GNA15: variants seen among roughly 807,000 people sequenced by gnomAD.
GNA15 encodes guanine nucleotide-binding protein subunit alpha-15.
Under a neutral mutation model 40.1 loss-of-function variants are expected in GNA15, and 23 were observed. That is an observed-to-expected ratio of 0.57 (90% CI 0.41 to 0.81). The LOEUF (loss-of-function observed/expected upper bound fraction) is 0.81. Among genes scored for constraint, GNA15 ranks in the 40% least tolerant of loss-of-function variants. GNA15 has a pLI of 0.00. For missense variants in GNA15, 522 were observed against 515.8 expected (o/e 1.01, Z -0.12); for synonymous variants, 226 against 210.4 (o/e 1.07, Z -0.64).
intron 1 of GNA15, chr19:3,146,449 C>G (rs1414793052): frequency 2.0e-5 from 3 of 152,166 alleles, no homozygotes; most frequent in Admixed American, 6.5e-5. Flanking sequence ...GACCCAGGGC[C>G]GGTTTGGCAG....
At chr19:3,158,565 T>C (rs1843058718) in intron 6 of GNA15, among the ~76,000 whole-genome samples, 1 of 152,180 alleles carries the variant, frequency 6.6e-6, no homozygotes, top group African/African-American at 2.4e-5. Context: ...AAAGATTGTC[T>C]ACTATTTCCA....
chr19:3,150,428 G>GAGTTCCCCCA, intron 3 of GNA15, 143 bp downstream of exon 3: 1 of 699,442 alleles, frequency 1.4e-6, no homozygotes, highest in Non-Finnish European at 2.3e-6. Flanking sequence ...TCCTTCCAGG[G>GAGTTCCCCCA]GGACCCTAAT....
At chr19:3,150,312 G>A in intron 3 of GNA15, 27 bp downstream of exon 3, 1 of 1,521,636 alleles carries the variant, frequency 6.6e-7, no homozygotes, top group African/African-American at 1.4e-5. Context: ...CGGGGGATGG[G>A]CGCGTGGGGA....
At position 3,136,305 on chromosome 19, in the gene GNA15, C is replaced by A; in HGVS notation, c.-146C>A. 1.3e-6 allele frequency: 1 copy of A among 778,216 alleles called. No homozygotes were observed. Among genetic ancestry groups the A allele is most frequent in the Non-Finnish European group, 2.0e-6 (1 of 502,234 alleles). 48.2% of individuals were successfully genotyped at this position (778,216 alleles called of 1,614,324 possible). ...GTTTCAGGCAAGGAAGTCTAGGTCC[C>A]TGGGGGGTGACCCCCAAGGAAAAGG... On this transcript the variant is annotated 5_prime_UTR_variant, in exon 1 of 7. It adds an upstream start codon to the 5' untranslated region. Coordinates refer to ENST00000262958, the MANE Select transcript of GNA15 (RefSeq NM_002068.4). This position sits in a 1 kb window ranked among gnomAD's most constrained non-coding sequence, Gnocchi z 4.9.
intron 6 of GNA15, among the ~76,000 whole-genome samples, chr19:3,158,368 A>G (rs1297290977): frequency 1.3e-5 from 2 of 151,870 alleles, no homozygotes; most frequent in East Asian, 3.9e-4. Context: ...TGACCAGGAT[A>G]GTCTCGATCA....
chr19:3,143,948 G>A (rs903440706), intron 1 of GNA15, among the ~76,000 whole-genome samples: 1 of 130,700 alleles, frequency 7.7e-6, no homozygotes, highest in Non-Finnish European at 1.6e-5. Flanking sequence ...GTGAAACCCC[G>A]TCTCTACTAA....
At chr19:3,158,722 A>G (rs1053838254) in intron 6 of GNA15, among the ~76,000 whole-genome samples, 4 of 151,764 alleles carry the variant, frequency 2.6e-5, no homozygotes, top group Admixed American at 2.0e-4. Context: ...CCCCGGTTCA[A>G]GTGATTCTCC....
chr19:3,159,226 A>G (rs11880092), intron 6 of GNA15, among the ~76,000 whole-genome samples: 26,913 of 149,422 alleles, frequency 0.18, 2,571 homozygotes, highest in African/African-American at 0.21. Context: ...GGGTTTCATC[A>G]TGTTACCCAG....
chr19:3,138,955 CT>C (rs1568291962), intron 1 of GNA15, among the ~76,000 whole-genome samples: 3 of 94,644 alleles, frequency 3.2e-5, no homozygotes, highest in East Asian at 3.7e-4. Flanking sequence ...TTTTTTTTTT[CT>C]TTTTTTTTAG....
chr19:3,145,588 C>T, intron 1 of GNA15, among the ~76,000 whole-genome samples: 1 of 124,490 alleles, frequency 8.0e-6, no homozygotes, highest in African/African-American at 3.1e-5. Flanking sequence ...CTCACTCTGT[C>T]ACCCAGGCTG....
chr19:3,151,969 G>C lies in GNA15; in HGVS notation c.614+134G>C, dbSNP rs1914892953. ...TCAAGGAGCTGCCAAGCTAGGGGAAGCAAAGCTCCATGTAGACACCTCCAG... is the reference window on the plus strand; with the variant it reads ...TCAAGGAGCTGCCAAGCTAGGGGAACCAAAGCTCCATGTAGACACCTCCAG... On this transcript the variant is annotated intron_variant, in intron 4 of 6. Coordinates refer to ENST00000262958, the MANE Select transcript of GNA15 (RefSeq NM_002068.4). The surrounding 1 kb of genome is among the most constrained non-coding windows in gnomAD (Gnocchi z 5.0). The C allele has an allele frequency of 3.2e-6, 2 of 626,974 alleles. No homozygotes were observed. The highest frequency in any genetic ancestry group is 7.1e-5 in the Admixed American group (2 of 28,346). The allele number at this position is 626,974 out of a possible 1,614,324, so 38.8% of individuals were successfully genotyped here. A position where few individuals can be genotyped will look rare whatever the true frequency, so the allele number is the denominator to read the frequency against.
intron 1 of GNA15, among the ~76,000 whole-genome samples, chr19:3,140,055 C>CTATCTATCTATCTATG (rs1568292398): frequency 5.3e-5 from 8 of 150,140 alleles, no homozygotes; most frequent in African/African-American, 1.2e-4. Context: ...ATCTATCTAT[C>CTATCTATCTATCTATG]TATCTATCTA....
intron 4 of GNA15, among the ~76,000 whole-genome samples, chr19:3,154,095 G>A (rs1914945235): frequency 6.6e-6 from 1 of 151,114 alleles, no homozygotes; most frequent in Non-Finnish European, 1.5e-5. Context: ...TAGATGGATA[G>A]ACGGATAGAT....
At chr19:3,148,970 C>T (rs1220552282) in intron 2 of GNA15, 195 bp downstream of exon 2, 2 of 586,938 alleles carry the variant, frequency 3.4e-6, no homozygotes, top group African/African-American at 3.7e-5. Context: ...AGTGCACACA[C>T]AAGTATACAC....
intron 4 of GNA15, among the ~76,000 whole-genome samples, chr19:3,154,785 T>G (rs1295319037): frequency 2.1e-5 from 3 of 139,610 alleles, no homozygotes; most frequent in African/African-American, 5.4e-5. Flanking sequence ...ATGAATGGGG[T>G]GGGTGGGTGG....
In GNA15 at chr19:3,136,342, C is replaced by T. The variant is rs1354349674; in HGVS notation, c.-109C>T. The T allele has an allele frequency of 1.1e-5, 12 of 1,137,154 alleles. No individual in the cohort carries two copies. Among genetic ancestry groups the T allele is most frequent in the South Asian group, 4.9e-5 (3 of 61,670 alleles). 70.4% of individuals were successfully genotyped at this position (1,137,154 alleles called of 1,614,324 possible). A position where few individuals can be genotyped will look rare whatever the true frequency, so the allele number is the denominator to read the frequency against. Reference sequence around the variant, plus strand: ...CCCCAAGGAAAAGGCAGCCTCCCTGCGCACCCGGTTGCCCGGAGCCCTCTC... The same window carrying T: ...CCCCAAGGAAAAGGCAGCCTCCCTGTGCACCCGGTTGCCCGGAGCCCTCTC... On this transcript the variant is annotated 5_prime_UTR_variant, in exon 1 of 7. Transcript: ENST00000262958. The surrounding 1 kb of genome is among the most constrained non-coding windows in gnomAD (Gnocchi z 4.9).
In GNA15 at chr19:3,155,777, G is replaced by A; in HGVS notation, c.615-46G>A. 1 of 1,597,786 alleles carries A rather than the reference G, an allele frequency of 6.3e-7. No individual in the cohort carries two copies. The highest frequency in any genetic ancestry group is 8.5e-7 in the Non-Finnish European group (1 of 1,174,680). On this transcript the variant is annotated intron_variant, in intron 4 of 6. Transcript: ENST00000262958. The surrounding 1 kb of genome is among the most constrained non-coding windows in gnomAD (Gnocchi z 5.6). ...CGTGATGGGGGTTGGGGGTGTCACG[G>A]AGCAGGCTCCTGAGCTCTGAAAGGG...
intron 2 of GNA15, 193 bp from the exon 3 acceptor site, chr19:3,149,938 C>G: frequency 3.6e-6 from 2 of 548,336 alleles, no homozygotes; most frequent in Non-Finnish European, 6.4e-6. Context: ...GTGCTTTTCC[C>G]TCTGGGGATC....
At chr19:3,139,950 C>T (rs1457738820) in intron 1 of GNA15, among the ~76,000 whole-genome samples, 3 of 151,618 alleles carry the variant, frequency 2.0e-5, no homozygotes, top group Non-Finnish European at 4.4e-5. Context: ...AGGAGAATTG[C>T]TCTAACTTGG....
Sources: gnomAD v4.1 joint callset for allele counts (sites outside exome capture counted in the v4.1 genomes callset) on GRCh38, gnomAD v4.1.1 for gene constraint, Gnocchi (gnomAD v3.1) non-coding constraint, MANE v1.5 for transcripts, NCBI Gene and HGNC (gene_info 2026-07-23, HGNC 2026-07-21) for gene names.